PCDH7: variants seen among roughly 807,000 people sequenced by gnomAD.
PCDH7 encodes the protein protocadherin 7.
Under a neutral mutation model 58.9 loss-of-function variants are expected in PCDH7, and 17 were observed. The ratio of observed to expected loss-of-function variants is 0.29; its 90% CI spans 0.20 to 0.43. The LOEUF (loss-of-function observed/expected upper bound fraction) is 0.43. Ranked by LOEUF, PCDH7 falls within the 20% of genes least tolerant of loss-of-function variation. The pLI is 1.00. For synonymous variants in PCDH7, 664 were observed against 616.4 expected, an observed-to-expected ratio of 1.08 and a Z score of -1.14; for missense variants, 1,274 against 1,441.0, an observed-to-expected ratio of 0.88 and a Z score of 1.88.
intron 1 of PCDH7, among the ~76,000 whole-genome samples, chr4:30,878,335 A>C (rs1452907549): frequency 6.6e-6 from 1 of 152,108 alleles, no homozygotes; most frequent in East Asian, 1.9e-4. Context: ...TTCTGTGCAC[A>C]TGCTATTGCC....
intron 3 of PCDH7, among the ~76,000 whole-genome samples, chr4:30,953,551 A>AT (rs34512515): frequency 0.092 from 13,929 of 151,784 alleles, 954 homozygotes; most frequent in East Asian, 0.28. Context: ...TAGCAATTTC[A>AT]TTTGAACACC....
intron 3 of PCDH7, 143 bp from the exon 3 acceptor site, chr4:31,142,330 T>C (rs979689755): frequency 1.4e-6 from 1 of 733,534 alleles, no homozygotes; most frequent in African/African-American, 1.8e-5. Flanking sequence ...AACTGTCCTA[T>C]GGAATGATGA....
chr4:31,106,023 A>AAT (rs1553852445), intron 3 of PCDH7, among the ~76,000 whole-genome samples: 9,236 of 148,724 alleles, frequency 0.062, 303 homozygotes, highest in Middle Eastern at 0.082. Context: ...AGAAAAAAAA[A>AAT]ATATATATAT....
intron 3 of PCDH7, among the ~76,000 whole-genome samples, chr4:30,966,503 G>A (rs984513319): frequency 1.3e-5 from 2 of 152,114 alleles, no homozygotes; most frequent in Non-Finnish European, 2.9e-5. Flanking sequence ...TAAATTGCAG[G>A]AAAAATGTGG....
intron 2 of PCDH7, among the ~76,000 whole-genome samples, chr4:30,944,104 A>T (rs1422725558): frequency 6.6e-6 from 1 of 152,094 alleles, no homozygotes; most frequent in Admixed American, 6.6e-5. Context: ...ATTTCCTGAC[A>T]ATATTAGGAT....
chr4:30,900,426 A>G (rs1336573874), intron 1 of PCDH7, among the ~76,000 whole-genome samples: 3 of 152,184 alleles, frequency 2.0e-5, no homozygotes, highest in African/African-American at 7.2e-5. Flanking sequence ...GTCTTCCTCA[A>G]ATATCTCTCA....
intron 1 of PCDH7, among the ~76,000 whole-genome samples, chr4:30,789,350 C>T (rs1484674907): frequency 5.3e-5 from 8 of 152,124 alleles, no homozygotes; most frequent in African/African-American, 1.9e-4. Flanking sequence ...TTGGATCAGC[C>T]TGATTGAGTT....
At chr4:31,125,879 T>C (rs193220864) in intron 3 of PCDH7, among the ~76,000 whole-genome samples, 1 of 152,342 alleles carries the variant, frequency 6.6e-6, no homozygotes, top group Admixed American at 6.5e-5. Context: ...TATTGAGCCA[T>C]AACCTCATTG....
chr4:31,136,674 A>C (rs577304361), intron 3 of PCDH7, among the ~76,000 whole-genome samples: 3 of 152,300 alleles, frequency 2.0e-5, no homozygotes, highest in African/African-American at 7.2e-5. Flanking sequence ...TTAGAGGATC[A>C]CAAACTGCTG....
At chr4:31,131,457 T>C (rs1578879667) in intron 3 of PCDH7, among the ~76,000 whole-genome samples, 1 of 152,254 alleles carries the variant, frequency 6.6e-6, no homozygotes, top group Non-Finnish European at 1.5e-5. Flanking sequence ...ATTGCCAATT[T>C]TACTTTCAAC....
At chr4:31,044,176 A>G (rs534404667) in intron 3 of PCDH7, among the ~76,000 whole-genome samples, 1 of 151,794 alleles carries the variant, frequency 6.6e-6, no homozygotes, top group East Asian at 1.9e-4. Context: ...ATTCAGTATA[A>G]CAGATGCCAC....
At chr4:30,779,094 C>T (rs1398889193) in intron 1 of PCDH7, among the ~76,000 whole-genome samples, 1 of 145,378 alleles carries the variant, frequency 6.9e-6, no homozygotes, top group Non-Finnish European at 1.5e-5. Context: ...AATCTCAGCT[C>T]ACTGCAACCT....
intron 3 of PCDH7, among the ~76,000 whole-genome samples, chr4:31,081,855 C>A (rs1322651110): frequency 6.6e-6 from 1 of 151,900 alleles, no homozygotes; most frequent in South Asian, 2.1e-4. Context: ...TCACTGCAAC[C>A]TCTGCCTCCT....
At chr4:31,133,630 T>C (rs1389017748) in intron 3 of PCDH7, among the ~76,000 whole-genome samples, 3 of 152,164 alleles carry the variant, frequency 2.0e-5, no homozygotes, top group Non-Finnish European at 2.9e-5. Context: ...TAACTCCGCA[T>C]GGGTAAAGAG....
chr4:30,920,556 C>T lies in PCDH7; in HGVS notation c.287+187C>T, dbSNP rs148117654. Among the ~76,000 whole-genome samples the T allele has an allele frequency of 1.8e-4, 27 of 151,998 alleles. No homozygotes were observed. In the East Asian group the frequency reaches 5.2e-3, roughly 29 times the overall value. The stretch of plus-strand genomic sequence containing the variant: ...ACATAACTCTGTAGATAAAATTCAC[C>T]CAAATTGCACCATCATTTTAAAACA... On this transcript the variant is annotated intron_variant, in intron 2 of 3. Coordinates refer to the PCDH7 transcript ENST00000509759.
chr4:31,099,792 C>T (rs1016508801), intron 3 of PCDH7, among the ~76,000 whole-genome samples: 3 of 151,976 alleles, frequency 2.0e-5, no homozygotes, highest in South Asian at 2.1e-4. Flanking sequence ...GATGACAACC[C>T]GAAATATACA....
In PCDH7 at chr4:31,005,781, C is replaced by T. The variant is rs139250799; in HGVS notation, c.*7+55566C>T. 1.3e-3 allele frequency among the ~76,000 whole-genome samples: 201 copies of T among 152,268 alleles called. 1 individual carries two copies. The highest frequency in any genetic ancestry group is 4.6e-3 in the African/African-American group (193 of 41,576). On this transcript the variant is annotated intron_variant, in intron 3 of 3. Transcript: ENST00000509759. ...ACTATTAGCCATGTACAGCTATTTA[C>T]ATATGAACTAATTAAAGTCAATTTA...
chr4:30,811,043 C>T (rs1172865774), intron 1 of PCDH7, among the ~76,000 whole-genome samples: 1 of 152,220 alleles, frequency 6.6e-6, no homozygotes, highest in Admixed American at 6.5e-5. Context: ...CTAATTGTGA[C>T]TATGCATCAT....
chr4:31,018,325 G>A (rs1455775653), intron 3 of PCDH7, among the ~76,000 whole-genome samples: 1 of 152,108 alleles, frequency 6.6e-6, no homozygotes, highest in East Asian at 1.9e-4. Context: ...AAACCACGAT[G>A]TTTGAACCTA....
Sources: allele counts gnomAD v4.1 joint callset (sites outside exome capture counted in the v4.1 genomes callset), GRCh38; gene constraint gnomAD v4.1.1; transcripts MANE v1.5; gene names NCBI Gene and HGNC (gene_info 2026-07-23, HGNC 2026-07-21).